TOX: variants seen among roughly 807,000 people sequenced by gnomAD.
TOX encodes thymocyte selection associated high mobility group box, also known as thymocyte selection-associated high mobility group box protein TOX.
Under a neutral mutation model 53.7 loss-of-function variants are expected in TOX, and 11 were observed. That is an observed-to-expected ratio of 0.20 (90% confidence interval 0.13 to 0.34). TOX has a LOEUF of 0.34. TOX is among the 10% of genes least tolerant of loss of function. TOX has a pLI of 1.00. For missense variants in TOX, 570 were observed against 664.6 expected, an observed-to-expected ratio of 0.86 and a Z score of 1.56; for synonymous variants, 225 against 245.3, an observed-to-expected ratio of 0.92 and a Z score of 0.77.
chr8:58,885,859 C>T (rs920649095), intron 3 of TOX, among the ~76,000 whole-genome samples: 2 of 152,220 alleles, frequency 1.3e-5, no homozygotes, highest in Middle Eastern at 3.4e-3. Context: ...CTAATGTACA[C>T]ATAATATATC....
At chr8:59,098,211 G>C (rs1295014567) in intron 1 of TOX, among the ~76,000 whole-genome samples, 1 of 152,182 alleles carries the variant, frequency 6.6e-6, no homozygotes, top group Non-Finnish European at 1.5e-5. Context: ...AACAGTAAGA[G>C]AGCTGTGGAG....
intron 3 of TOX, among the ~76,000 whole-genome samples, chr8:58,930,196 G>C (rs747948143): frequency 6.6e-6 from 1 of 152,212 alleles, no homozygotes; most frequent in Non-Finnish European, 1.5e-5. Flanking sequence ...CAACTGCTTA[G>C]AAGTGTCAGC....
At chr8:59,083,875 C>T (rs1804459260) in intron 1 of TOX, among the ~76,000 whole-genome samples, 1 of 152,082 alleles carries the variant, frequency 6.6e-6, no homozygotes, top group Admixed American at 6.6e-5. Flanking sequence ...AGGAACAAGC[C>T]TCAGTGACAG....
At chr8:58,901,921 G>T (rs1048777809) in intron 3 of TOX, among the ~76,000 whole-genome samples, 1 of 152,182 alleles carries the variant, frequency 6.6e-6, no homozygotes, top group African/African-American at 2.4e-5. Context: ...AAGTTTTATA[G>T]AATAAGATTG....
At chr8:59,080,893 T>C (rs1226609741) in intron 1 of TOX, among the ~76,000 whole-genome samples, 7 of 152,198 alleles carry the variant, frequency 4.6e-5, no homozygotes, top group African/African-American at 1.7e-4. Context: ...GTCTCAGGTA[T>C]TTCTTTACAA....
chr8:59,028,650 A>C (rs943576384), intron 1 of TOX, among the ~76,000 whole-genome samples: 3 of 152,186 alleles, frequency 2.0e-5, no homozygotes, highest in Non-Finnish European at 4.4e-5. Flanking sequence ...TCAGGAACAT[A>C]GATTACGTCA....
chr8:59,007,221 CT>C (rs34054301), intron 1 of TOX, among the ~76,000 whole-genome samples: 77,955 of 149,834 alleles, frequency 0.52, 21,769 homozygotes, highest in Non-Finnish European at 0.61. Flanking sequence ...GGGCTGTCAT[CT>C]TTTTTTTTTT....
chr8:59,082,099 A>G (rs1416181464), intron 1 of TOX, among the ~76,000 whole-genome samples: 1 of 152,226 alleles, frequency 6.6e-6, no homozygotes, highest in Non-Finnish European at 1.5e-5. Context: ...GCTCTTGTTA[A>G]TGCCATTTGG....
At chr8:58,824,834 G>T (rs115691353) in intron 6 of TOX, among the ~76,000 whole-genome samples, 162 of 152,278 alleles carry the variant, frequency 1.1e-3, no homozygotes, top group African/African-American at 3.6e-3. Flanking sequence ...CAGAGCACAA[G>T]CCCAGGAAGA....
intron 3 of TOX, among the ~76,000 whole-genome samples, chr8:58,912,756 C>G (rs766098361): frequency 4.6e-5 from 7 of 152,194 alleles, no homozygotes; most frequent in African/African-American, 1.7e-4. Flanking sequence ...TCACTTCTCT[C>G]TGACTACATT....
chr8:59,112,427 T>A (rs189527794), intron 1 of TOX, among the ~76,000 whole-genome samples: 255 of 152,326 alleles, frequency 1.7e-3, no homozygotes, highest in Non-Finnish European at 2.8e-3. Flanking sequence ...CATGCAAGGT[T>A]TAAAACAAAA....
chr8:59,014,302 T>C (rs942077065), intron 1 of TOX, among the ~76,000 whole-genome samples: 2 of 152,238 alleles, frequency 1.3e-5, no homozygotes, highest in Non-Finnish European at 2.9e-5. Context: ...AAAAGTTCCT[T>C]TAAATCCAGA....
intron 1 of TOX, among the ~76,000 whole-genome samples, chr8:59,081,474 C>A (rs1343276584): frequency 6.6e-6 from 1 of 152,178 alleles, no homozygotes; most frequent in East Asian, 1.9e-4. Context: ...CTGAGCAATA[C>A]ACCCTTATTT....
chr8:59,084,764 A>T (rs1461994031), intron 1 of TOX, among the ~76,000 whole-genome samples: 1 of 152,206 alleles, frequency 6.6e-6, no homozygotes, highest in African/African-American at 2.4e-5. Context: ...GCAATGGTGC[A>T]GTTTACACAG....
chr8:58,905,466 C>T (rs1427525861), intron 3 of TOX, among the ~76,000 whole-genome samples: 1 of 152,114 alleles, frequency 6.6e-6, no homozygotes, highest in African/African-American at 2.4e-5. Flanking sequence ...CTAGAGTTTG[C>T]TTTGTTTTGG....
intron 1 of TOX, among the ~76,000 whole-genome samples, chr8:58,995,797 C>G (rs1813549610): frequency 6.6e-6 from 1 of 152,194 alleles, no homozygotes; most frequent in Admixed American, 6.5e-5. Context: ...GACTGATGTA[C>G]TTGCTTGAAT....
chr8:58,827,702 G>A (rs1418954918), intron 5 of TOX, among the ~76,000 whole-genome samples: 3 of 152,156 alleles, frequency 2.0e-5, no homozygotes, highest in Admixed American at 2.0e-4. Context: ...CCTAAATTGA[G>A]CAAAAGTACT....
chr8:58,831,743 A>G (rs1159475871), intron 5 of TOX, among the ~76,000 whole-genome samples: 1 of 152,200 alleles, frequency 6.6e-6, no homozygotes, highest in Non-Finnish European at 1.5e-5. Context: ...GTAGGTGCTC[A>G]TGAAATATTT....
At chr8:59,105,647 G>A (rs925520349) in intron 1 of TOX, among the ~76,000 whole-genome samples, 2 of 151,902 alleles carry the variant, frequency 1.3e-5, no homozygotes, top group Non-Finnish European at 2.9e-5. Flanking sequence ...AGTCCCTATG[G>A]GATATCCTAA....
Sources: allele counts gnomAD v4.1 joint callset (sites outside exome capture counted in the v4.1 genomes callset), GRCh38; gene constraint gnomAD v4.1.1; transcripts MANE v1.5; gene names NCBI Gene and HGNC (gene_info 2026-07-23, HGNC 2026-07-21).